Variants in FGF12 observed in about 807,000 individuals in gnomAD.
The protein encoded by FGF12 is fibroblast growth factor 12B.
Under a neutral mutation model 23.6 loss-of-function variants are expected in FGF12, and 14 were observed. That is an observed-to-expected ratio of 0.59 (90% CI 0.39 to 0.93). The LOEUF (loss-of-function observed/expected upper bound fraction) is 0.93. Among genes scored for constraint, FGF12 ranks in the 40% least tolerant of loss-of-function variants. FGF12 has a pLI of 0.00. For missense variants in FGF12, 175 were observed against 217.8 expected, an observed-to-expected ratio of 0.80 and a Z score of 1.24; for synonymous variants, 62 against 77.3, an observed-to-expected ratio of 0.80 and a Z score of 1.04.
chr3:192,617,113 C>A (rs1714786248), intron 2 of FGF12, among the ~76,000 whole-genome samples: 1 of 151,924 alleles, frequency 6.6e-6, no homozygotes, highest in South Asian at 2.1e-4. Flanking sequence ...CCAGTTAAAT[C>A]CAGAAGGAAT....
chr3:192,189,031 T>G (rs544128739), intron 4 of FGF12, among the ~76,000 whole-genome samples: 2 of 152,320 alleles, frequency 1.3e-5, no homozygotes, highest in East Asian at 3.9e-4. Flanking sequence ...TACACATGAG[T>G]GTGCTAACAC....
chr3:192,334,777 T>G (rs1371630775), intron 4 of FGF12, among the ~76,000 whole-genome samples: 1 of 152,162 alleles, frequency 6.6e-6, no homozygotes, highest in Admixed American at 6.6e-5. Flanking sequence ...CCCAAAGGGA[T>G]ATCAAGATAG....
intron 2 of FGF12, among the ~76,000 whole-genome samples, chr3:192,529,773 A>C (rs1333472135): frequency 6.6e-6 from 1 of 152,096 alleles, no homozygotes; most frequent in African/African-American, 2.4e-5. Context: ...TCCCCCTTAT[A>C]TCATCAGATC....
chr3:192,337,587 C>A (rs940170740), intron 3 of FGF12, among the ~76,000 whole-genome samples: 2 of 152,178 alleles, frequency 1.3e-5, no homozygotes, highest in African/African-American at 4.8e-5. Flanking sequence ...ATGAGATTTG[C>A]AGACACATAG....
intron 2 of FGF12, among the ~76,000 whole-genome samples, chr3:192,457,477 G>A (rs1171258373): frequency 6.6e-6 from 1 of 152,168 alleles, no homozygotes; most frequent in East Asian, 1.9e-4. Context: ...GGAACTTGTT[G>A]GGAACTGGAA....
rs184883920 is a variant in FGF12, at chr3:192,214,061, A to G, written c.229-43405T>C. 5.8e-4 allele frequency among the ~76,000 whole-genome samples: 88 copies of G among 152,338 alleles called. No individual in the cohort carries two copies. The East Asian group carries it at 5.8e-3, about 10-fold the overall frequency. Reference sequence around the variant, plus strand: ...TACAAATATTATAACGCTCGTTACTAGAATGCCAAACTGAATTAGGTCATT... The same window carrying G: ...TACAAATATTATAACGCTCGTTACTGGAATGCCAAACTGAATTAGGTCATT... On this transcript the variant is annotated intron_variant, in intron 4 of 5. Transcript: ENST00000445105.
chr3:192,292,927 T>C (rs1421816183), intron 4 of FGF12, among the ~76,000 whole-genome samples: 3 of 152,044 alleles, frequency 2.0e-5, no homozygotes, highest in African/African-American at 7.2e-5. Flanking sequence ...TACAGGCATG[T>C]ACCACTATGT....
chr3:192,508,029 C>T (rs1050636927), intron 2 of FGF12, among the ~76,000 whole-genome samples: 11 of 152,122 alleles, frequency 7.2e-5, no homozygotes, highest in African/African-American at 2.7e-4. Context: ...GCAACAACCC[C>T]TCTCCCCTCA....
intron 4 of FGF12, among the ~76,000 whole-genome samples, chr3:192,275,356 A>G (rs1330481062): frequency 7.3e-6 from 1 of 137,168 alleles, no homozygotes; most frequent in Non-Finnish European, 1.6e-5. Flanking sequence ...GTAACTTTGA[A>G]AAGACCAATT....
chr3:192,163,692 A>G (rs1474681738), intron 5 of FGF12, among the ~76,000 whole-genome samples: 1 of 152,126 alleles, frequency 6.6e-6, no homozygotes, highest in African/African-American at 2.4e-5. Flanking sequence ...TTCTAGGAAC[A>G]CTACAGATGG....
chr3:192,718,347 A>C (rs1718930553), intron 2 of FGF12, among the ~76,000 whole-genome samples: 1 of 152,144 alleles, frequency 6.6e-6, no homozygotes, highest in South Asian at 2.1e-4. Context: ...CAATCTGCTA[A>C]GCAAAAATGC....
chr3:192,444,696 C>T (rs190162699), intron 2 of FGF12, among the ~76,000 whole-genome samples: 1 of 152,344 alleles, frequency 6.6e-6, no homozygotes, highest in East Asian at 1.9e-4. Context: ...TGGGCGAGCG[C>T]CACCTCGTGG....
chr3:192,270,419 C>T (rs1713359591), intron 4 of FGF12, among the ~76,000 whole-genome samples: 2 of 151,982 alleles, frequency 1.3e-5, no homozygotes, highest in African/African-American at 4.8e-5. Context: ...CTCATTTCTC[C>T]CCTACTATTA....
chr3:192,195,230 A>G (rs538715080), intron 4 of FGF12, among the ~76,000 whole-genome samples: 25 of 152,286 alleles, frequency 1.6e-4, no homozygotes, highest in Admixed American at 3.9e-4. Flanking sequence ...TGAGGATTTT[A>G]TTTCAACTAA....
intron 3 of FGF12, among the ~76,000 whole-genome samples, chr3:192,339,891 T>C (rs1006881976): frequency 1.3e-5 from 2 of 152,176 alleles, no homozygotes; most frequent in Non-Finnish European, 2.9e-5. Context: ...TAAATAAATG[T>C]TATTATATGG....
chr3:192,476,925 A>G (rs1723342829), intron 2 of FGF12, among the ~76,000 whole-genome samples: 1 of 152,218 alleles, frequency 6.6e-6, no homozygotes, highest in Non-Finnish European at 1.5e-5. Context: ...TTAAGTTGAT[A>G]TCAGACTAGA....
chr3:192,451,773 G>C (rs969798148), intron 2 of FGF12, among the ~76,000 whole-genome samples: 2 of 152,156 alleles, frequency 1.3e-5, no homozygotes, highest in African/African-American at 2.4e-5. Flanking sequence ...TTTCATGGCT[G>C]TATAATAGCC....
rs569805724 is a variant in FGF12 at position 192,708,348 on chromosome 3, T to A, written c.13+18833A>T. On this transcript the variant is annotated intron_variant, in intron 2 of 5. Coordinates refer to ENST00000445105, the MANE Select transcript of FGF12 (RefSeq NM_004113.6). ...TGAAAGAAGGAAATCTTGAAGCATG[T>A]GTGTTACATGTACATCATCCCTGAG... Among the ~76,000 whole-genome samples the A allele has an allele frequency of 2.0e-5, 3 of 152,328 alleles. No individual in the cohort carries two copies. The East Asian group carries it at 5.8e-4, about 29-fold the overall frequency.
At chr3:192,353,283 AG>A (rs1718306928) in intron 3 of FGF12, among the ~76,000 whole-genome samples, 1 of 151,492 alleles carries the variant, frequency 6.6e-6, no homozygotes, top group Non-Finnish European at 1.5e-5. Context: ...GCCCATAAAA[AG>A]TCACAGAGTA....
Sources: gnomAD v4.1 joint callset for allele counts (sites outside exome capture counted in the v4.1 genomes callset) on GRCh38, gnomAD v4.1.1 for gene constraint, MANE v1.5 for transcripts, NCBI Gene and HGNC (gene_info 2026-07-23, HGNC 2026-07-21) for gene names.